WWOX: variants seen among roughly 807,000 people sequenced by gnomAD.
WWOX encodes WW domain containing oxidoreductase, also known as WW domain-containing oxidoreductase.
WWOX carries 69 observed loss-of-function variants against 46.2 expected under a neutral mutation model. The observed-to-expected ratio is 1.49, with a 90% CI of 1.23 to 1.82. The LOEUF (loss-of-function observed/expected upper bound fraction) is 1.82. Among genes scored for constraint, WWOX ranks in the 40% most tolerant of loss-of-function variants. WWOX has a pLI of 0.00. For synonymous variants in WWOX, 359 were observed against 202.6 expected (o/e 1.77, Z -6.56); for missense variants, 919 against 542.6 (o/e 1.69, Z -6.89).
At position 79,212,034 on chromosome 16, in the gene WWOX, T is replaced by G; in HGVS notation, c.*238T>G. The G allele has an allele frequency of 6.5e-7, 1 of 1,536,230 alleles. No individual in the cohort carries two copies. Among genetic ancestry groups the G allele is most frequent in the Non-Finnish European group, 8.7e-7 (1 of 1,146,880 alleles). ...CATAGGTCTCTTTGCTTTCTGGTGG[T>G]GGCCTGTTTGAAAGTAAAAACCTGC... On this transcript the variant is annotated 3_prime_UTR_variant, in exon 9 of 9. Coordinates refer to ENST00000566780, the MANE Select transcript of WWOX (RefSeq NM_016373.4).
Position 78,711,106 on chromosome 16 carries a change from T to A in WWOX, c.1056+278354T>A, listed in dbSNP as rs73577394. Among the ~76,000 whole-genome samples, 1,266 of 152,302 alleles carry A rather than the reference T, an allele frequency of 8.3e-3. 25 individuals carry two copies. The highest frequency in any genetic ancestry group is 0.029 in the African/African-American group (1,191 of 41,566). On this transcript the variant is annotated intron_variant, in intron 8 of 8. Transcript: ENST00000566780. ...AAAGAGAGATTACTTCCAACACGTT[T>A]CTTTAAAGCCTGCTGGCTAAATTAG...
At chr16:78,438,455 C>G (rs1486293909) in intron 8 of WWOX, among the ~76,000 whole-genome samples, 1 of 139,300 alleles carries the variant, frequency 7.2e-6, no homozygotes, top group Non-Finnish European at 1.5e-5. Context: ...ACCGCCAACC[C>G]CACCTTTTTT....
At chr16:79,138,191 C>A (rs545242228) in intron 8 of WWOX, among the ~76,000 whole-genome samples, 1 of 152,190 alleles carries the variant, frequency 6.6e-6, no homozygotes, top group East Asian at 1.9e-4. Flanking sequence ...GCCCCACTTT[C>A]CAAAGGCCAG....
intron 8 of WWOX, among the ~76,000 whole-genome samples, chr16:79,181,696 C>T (rs2050915127): frequency 6.6e-6 from 1 of 152,156 alleles, no homozygotes; most frequent in African/African-American, 2.4e-5. Context: ...CATCTTTCTG[C>T]ATGGCTCTTT....
chr16:78,127,892 A>G (rs1490511416), intron 4 of WWOX, among the ~76,000 whole-genome samples: 1 of 152,196 alleles, frequency 6.6e-6, no homozygotes, highest in Non-Finnish European at 1.5e-5. Flanking sequence ...ATTGTCCTTA[A>G]CTTGGGTGAC....
intron 8 of WWOX, among the ~76,000 whole-genome samples, chr16:78,637,463 C>G (rs779964117): frequency 2.6e-5 from 4 of 151,234 alleles, no homozygotes; most frequent in Non-Finnish European, 4.4e-5. Flanking sequence ...AAAATTGTTT[C>G]TGGCCCCACG....
At chr16:79,080,429 C>T (rs1373959750) in intron 8 of WWOX, among the ~76,000 whole-genome samples, 2 of 152,140 alleles carry the variant, frequency 1.3e-5, no homozygotes, top group Non-Finnish European at 2.9e-5. Flanking sequence ...AACACTGAAT[C>T]CCAAATCCAA....
intron 5 of WWOX, among the ~76,000 whole-genome samples, chr16:78,264,190 T>C (rs1167731022): frequency 6.6e-6 from 1 of 151,904 alleles, no homozygotes; most frequent in Non-Finnish European, 1.5e-5. Flanking sequence ...AGGGACCCAC[T>C]TGGGAGAAGG....
chr16:78,594,437 C>CCCCCCCCCCCCCCA (rs2045431729), intron 8 of WWOX, among the ~76,000 whole-genome samples: 1 of 67,018 alleles, frequency 1.5e-5, no homozygotes, highest in Non-Finnish European at 3.3e-5. Flanking sequence ...AGGCCCCCCC[C>CCCCCCCCCCCCCCA]CCCCCCCCGC....
chr16:78,440,462 C>G (rs1456540995), intron 8 of WWOX, among the ~76,000 whole-genome samples: 1 of 152,162 alleles, frequency 6.6e-6, no homozygotes, highest in African/African-American at 2.4e-5. Context: ...ATGAAGCTCT[C>G]CAATATGTTC....
intron 8 of WWOX, among the ~76,000 whole-genome samples, chr16:78,489,485 T>TC (rs2084724825): frequency 1.3e-5 from 2 of 152,196 alleles, no homozygotes; most frequent in Admixed American, 6.5e-5. Context: ...CTTTTTTTTT[T>TC]CTAACCACTT....
intron 8 of WWOX, among the ~76,000 whole-genome samples, chr16:78,499,587 C>G (rs2085007791): frequency 6.6e-6 from 1 of 152,236 alleles, no homozygotes; most frequent in Non-Finnish European, 1.5e-5. Context: ...CCTCCTGGCC[C>G]AGGGCCCCTT....
At chr16:78,564,036 C>T (rs1267615996) in intron 8 of WWOX, among the ~76,000 whole-genome samples, 1 of 152,200 alleles carries the variant, frequency 6.6e-6, no homozygotes, top group African/African-American at 2.4e-5. Context: ...CCAGGCTAGC[C>T]TTCTGGGCGA....
intron 8 of WWOX, among the ~76,000 whole-genome samples, chr16:78,888,438 A>G (rs1368377084): frequency 6.6e-6 from 1 of 152,002 alleles, no homozygotes; most frequent in Admixed American, 6.6e-5. Context: ...TTGTCTAGGG[A>G]TTTAGTTTCT....
rs554852691 is a variant in WWOX, at chr16:78,944,313, A to T, written c.1057-267295A>T. ...TCAGCCTCTACCACATTGAATTGGA[A>T]TTATATGTCTGTTTTATGTACCATG... is the stretch of plus-strand genomic sequence containing the variant. On this transcript the variant is annotated intron_variant, in intron 8 of 8. Transcript: ENST00000566780. Among the ~76,000 whole-genome samples, 14 of 152,234 alleles carry T rather than the reference A, an allele frequency of 9.2e-5. No homozygotes were observed. In the South Asian group the frequency reaches 2.1e-3, roughly 23 times the overall value.
rs201941494 is a variant in WWOX at position 78,432,642 on chromosome 16, G to C, written c.946G>C (p.Val316Leu). 3.2e-4 allele frequency: 514 copies of C among 1,614,108 alleles called. 2 individuals are homozygous for C. Among genetic ancestry groups the C allele is most frequent in the Non-Finnish European group, 4.2e-4 (496 of 1,180,058 alleles). ...GCACCGTCGCCTCTCCCCACGCGGGGTCACGTCGAACGCAGTGCATCCTGG... is the reference window on the plus strand; with the variant it reads ...GCACCGTCGCCTCTCCCCACGCGGGCTCACGTCGAACGCAGTGCATCCTGG... ...ELHRRLSPRG[V>L]TSNAVHPGNM... Residue 316 changes from valine to leucine, a missense_variant, in exon 8 of 9, where the codon GTC becomes CTC. Coordinates refer to ENST00000566780, the MANE Select transcript of WWOX (RefSeq NM_016373.4).
At chr16:79,100,156 C>A (rs991962108) in intron 8 of WWOX, among the ~76,000 whole-genome samples, 1 of 152,250 alleles carries the variant, frequency 6.6e-6, no homozygotes. Flanking sequence ...CACCTTGATT[C>A]ATGTTTGACT....
At chr16:78,732,570 T>G (rs1266959122) in intron 8 of WWOX, among the ~76,000 whole-genome samples, 1 of 152,164 alleles carries the variant, frequency 6.6e-6, no homozygotes, top group Non-Finnish European at 1.5e-5. Flanking sequence ...TCAAAGTCTT[T>G]GGGTAATTTG....
At chr16:78,712,537 C>G (rs2048465417) in intron 8 of WWOX, among the ~76,000 whole-genome samples, 1 of 151,432 alleles carries the variant, frequency 6.6e-6, no homozygotes, top group Non-Finnish European at 1.5e-5. Flanking sequence ...TTAAAAGAGA[C>G]TTAAGACACA....
Sources: allele counts gnomAD v4.1 joint callset (sites outside exome capture counted in the v4.1 genomes callset), GRCh38; gene constraint gnomAD v4.1.1; transcripts MANE v1.5; gene names NCBI Gene and HGNC (gene_info 2026-07-23, HGNC 2026-07-21).